ZNF143: variants seen among roughly 807,000 people sequenced by gnomAD.
ZNF143 encodes SPH-binding factor.
A neutral mutation model predicts 74.1 loss-of-function variants in ZNF143; 49 were observed. The observed-to-expected ratio is 0.66, with a 90% confidence interval of 0.53 to 0.84. The LOEUF is 0.84. ZNF143 is among the 40% of genes least tolerant of loss of function. The pLI, the probability that ZNF143 is intolerant of heterozygous loss-of-function variation, is 0.00. For missense variants in ZNF143, 637 were observed against 793.4 expected (o/e 0.80, Z 2.37); for synonymous variants, 304 against 282.8 (o/e 1.07, Z -0.75).
chr11:9,510,217 C>T (rs1226586046), intron 12 of ZNF143, among the ~76,000 whole-genome samples: 2 of 151,666 alleles, frequency 1.3e-5, no homozygotes, highest in Non-Finnish European at 2.9e-5. Context: ...CTTCGCCTCC[C>T]GGGTTCATTC....
At chr11:9,483,288 CTTTTTTTTTTTTT>C (rs58704619) in intron 7 of ZNF143, among the ~76,000 whole-genome samples, 1 of 50,200 alleles carries the variant, frequency 2.0e-5, no homozygotes, top group Non-Finnish European at 3.6e-5. Flanking sequence ...GCCAACATGC[CTTTTTTTTTTTTT>C]TTTTTTTTTT....
rs1371430253 is a variant in ZNF143, at chr11:9,474,022, G to A, written c.287G>A (p.Ser96Asn). The change falls in exon 4 of 16, where the codon AGT becomes AAT. Residue 96 changes from serine to asparagine, a missense_variant and splice_region_variant. Physicochemically the swap from Ser to Asn is conservative, Grantham distance 46 (BLOSUM62 1). This residue lies in a region of ZNF143 where 293 missense variants were observed against 307.8 expected (regional missense o/e 0.95). Coordinates refer to ENST00000396602, the MANE Select transcript of ZNF143 (RefSeq NM_003442.6). ...AYVQHVPIPK[S>N]TGDSLRLEDG... ...GTTCAACATGTACCCATACCTAAAAGTAGTAAGTATTTAAGATAACAGCAC... is the reference window on the plus strand; with the variant it reads ...GTTCAACATGTACCCATACCTAAAAATAGTAAGTATTTAAGATAACAGCAC... 2 of 1,610,022 alleles carry A rather than the reference G, an allele frequency of 1.2e-6. No individual in the cohort carries two copies. The highest frequency in any genetic ancestry group is 1.3e-5 in the African/African-American group (1 of 74,864).
rs1183629630 is a variant in ZNF143 at position 9,502,241 on chromosome 11, CTTTT to C, written c.1147+992_1147+995del. Among the ~76,000 whole-genome samples the C allele has an allele frequency of 7.4e-3, 419 of 56,996 alleles. 5 individuals carry two copies. Among genetic ancestry groups the C allele is most frequent in the South Asian group, 0.052 (58 of 1,126 alleles). The allele number at this position is 56,996 out of a possible 152,430, so 37.4% of individuals were successfully genotyped here. A position where few individuals can be genotyped will look rare whatever the true frequency, so the allele number is the denominator to read the frequency against. The stretch of plus-strand genomic sequence containing the variant: ...GTGAGCCACCGCGCCTGGCCATATT[CTTTT>C]TTTTTTTTTTTTTTTTTTTTGGGAA... On this transcript the variant is annotated intron_variant, in intron 11 of 15. Transcript: ENST00000396602.
rs1346598233 is a variant in ZNF143 at position 9,487,548 on chromosome 11, G to GCA, written c.646-7098_646-7097insCA. Among the ~76,000 whole-genome samples, 1,224 of 149,102 alleles carry GCA rather than the reference G, an allele frequency of 8.2e-3. 12 individuals carry two copies. Among genetic ancestry groups the GCA allele is most frequent in the African/African-American group, 0.029 (1,121 of 38,940 alleles). ...AATTTTTTGTATTTTTAGTAGAGAT[G>GCA]GGGTTTCACCGTGTTAGCCAGGATG... On this transcript the variant is annotated intron_variant, in intron 7 of 15. Coordinates refer to ENST00000396602, the MANE Select transcript of ZNF143 (RefSeq NM_003442.6).
intron 10 of ZNF143, 145 bp from the exon 11 acceptor site, chr11:9,500,945 AC>A: frequency 3.4e-6 from 3 of 877,324 alleles, no homozygotes; most frequent in Non-Finnish European, 1.7e-6. Context: ...TGTTTCCCCA[AC>A]CCCCCCAAAA....
rs927702499 is a variant in ZNF143 at position 9,523,093 on chromosome 11, A to C, written c.1687-2147A>C. On this transcript the variant is annotated intron_variant, in intron 14 of 15. Transcript: ENST00000396602. ...TAAGCAATTGTAATTTTTAAATTGC[A>C]TTCTGGACCTTGTGGATGACACATT... is the stretch of plus-strand genomic sequence containing the variant. Among the ~76,000 whole-genome samples, 5 of 152,156 alleles carry C rather than the reference A, an allele frequency of 3.3e-5. No homozygotes were observed. In the South Asian group the frequency reaches 1.0e-3, roughly 32 times the overall value.
intron 3 of ZNF143, 183 bp from the exon 4 acceptor site, chr11:9,473,758 G>T: frequency 6.6e-7 from 1 of 1,525,104 alleles, no homozygotes; most frequent in South Asian, 1.2e-5. Flanking sequence ...GCTGAGGGAG[G>T]ATTTTCTGCT....
At chr11:9,485,079 G>C (rs1248369980) in intron 7 of ZNF143, among the ~76,000 whole-genome samples, 1 of 150,428 alleles carries the variant, frequency 6.6e-6, no homozygotes, top group African/African-American at 2.5e-5. Context: ...TTACAGGCGT[G>C]ACCCACCGCG....
Position 9,471,437 on chromosome 11 carries a change from G to T in ZNF143, c.112+17G>T. The T allele has an allele frequency of 1.3e-6, 2 of 1,533,522 alleles. No homozygotes were observed. The highest frequency in any genetic ancestry group is 1.2e-5 in the South Asian group (1 of 80,058). The allele number at this position is 1,533,522 out of a possible 1,614,324, so 95.0% of individuals were successfully genotyped here. A position where few individuals can be genotyped will look rare whatever the true frequency, so the allele number is the denominator to read the frequency against. On this transcript the variant is annotated intron_variant, in intron 2 of 15. Transcript: ENST00000396602. ...CCGTGGCAGGTGAGCAGTTGTGTTT[G>T]AAGGGATGCGTTTGAAAATATCATT...
intron 3 of ZNF143, among the ~76,000 whole-genome samples, 161 bp downstream of exon 3, chr11:9,472,930 T>A (rs1326079179): frequency 7.9e-5 from 12 of 151,902 alleles, no homozygotes; most frequent in Admixed American, 7.2e-4. Flanking sequence ...TTTTTTTTTT[T>A]TATAATTTGG....
chr11:9,527,420 T>C, intron 15 of ZNF143, 110 bp from the exon 16 acceptor site: 2 of 946,808 alleles, frequency 2.1e-6, no homozygotes, highest in Non-Finnish European at 1.7e-6. Context: ...CAATCCCAAG[T>C]GTCAGAATTA....
At chr11:9,499,937 G>A (rs1246041862) in intron 10 of ZNF143, among the ~76,000 whole-genome samples, 4 of 152,086 alleles carry the variant, frequency 2.6e-5, no homozygotes, top group Non-Finnish European at 4.4e-5. Flanking sequence ...AAACATAATT[G>A]GTAAAGCAGA....
intron 11 of ZNF143, among the ~76,000 whole-genome samples, chr11:9,506,556 A>T (rs1848371547): frequency 6.6e-6 from 1 of 152,236 alleles, no homozygotes; most frequent in South Asian, 2.1e-4. Flanking sequence ...GTCTGCAAAG[A>T]TTCTGACATA....
chr11:9,512,778 T>C (rs1848596466), intron 13 of ZNF143, among the ~76,000 whole-genome samples, 182 bp downstream of exon 13: 1 of 152,124 alleles, frequency 6.6e-6, no homozygotes, highest in Non-Finnish European at 1.5e-5. Context: ...GAGAGAAGGT[T>C]TGTGACTGTA....
At chr11:9,488,670 A>T (rs544471678) in intron 7 of ZNF143, among the ~76,000 whole-genome samples, 6 of 152,194 alleles carry the variant, frequency 3.9e-5, no homozygotes, top group Non-Finnish European at 8.8e-5. Context: ...TCCTTCATTA[A>T]TAGCACAGTT....
At chr11:9,466,263 G>A (rs1332036402) in intron 1 of ZNF143, among the ~76,000 whole-genome samples, 5 of 150,972 alleles carry the variant, frequency 3.3e-5, no homozygotes, top group African/African-American at 7.3e-5. Flanking sequence ...GATTACAGAC[G>A]TGAGCCACCA....
intron 7 of ZNF143, among the ~76,000 whole-genome samples, chr11:9,488,289 G>A (rs1847638543): frequency 6.6e-6 from 1 of 152,144 alleles, no homozygotes; most frequent in Non-Finnish European, 1.5e-5. Context: ...ATAAAACACA[G>A]AGGTGATCTT....
chr11:9,484,567 A>G (rs142629173), intron 7 of ZNF143, among the ~76,000 whole-genome samples: 2 of 146,186 alleles, frequency 1.4e-5, no homozygotes, highest in Non-Finnish European at 3.0e-5. Flanking sequence ...GAAAGGTATT[A>G]ATTAGATCCA....
In ZNF143 at chr11:9,527,668, GA is replaced by G; in HGVS notation, c.*58del. ...AGGAGTCTTTCATCTTCTGGCAGCA[GA>G]AATCCATGAAGCCCGGGCCCAGGAA... On this transcript the variant is annotated 3_prime_UTR_variant, in exon 16 of 16. Coordinates refer to ENST00000396602, the MANE Select transcript of ZNF143 (RefSeq NM_003442.6). The G allele has an allele frequency of 6.5e-7, 1 of 1,536,278 alleles. No homozygotes were observed. The highest frequency in any genetic ancestry group is 9.0e-7 in the Non-Finnish European group (1 of 1,111,630).
Sources: allele counts gnomAD v4.1 joint callset (sites outside exome capture counted in the v4.1 genomes callset), GRCh38; gene constraint gnomAD v4.1.1; regional missense constraint gnomAD v4.1.1; transcripts MANE v1.5; gene names NCBI Gene and HGNC (gene_info 2026-07-23, HGNC 2026-07-21).